PRDX3: variants seen among roughly 807,000 people sequenced by gnomAD.
PRDX3 encodes peroxiredoxin 3.
A neutral mutation model predicts 30.4 loss-of-function variants in PRDX3; 20 were observed. The observed-to-expected ratio is 0.66, with a 90% CI of 0.46 to 0.96. PRDX3 has a LOEUF of 0.96. PRDX3 is among the 40% of genes least tolerant of loss of function. The pLI is 0.00. For synonymous variants in PRDX3, 124 were observed against 117.8 expected (o/e 1.05, Z -0.34); for missense variants, 322 against 318.3 (o/e 1.01, Z -0.09).
chr10:119,170,195 G>A (rs1847870743), intron 5 of PRDX3: 1 of 152,200 alleles, frequency 6.6e-6, no homozygotes, highest in Non-Finnish European at 1.5e-5. Context: ...GTCTTAAAAG[G>A]ATGTGGAAAT....
chr10:119,174,448 T>C lies in PRDX3; in HGVS notation c.311+3A>G. 6.3e-7 allele frequency: 1 copy of C among 1,593,356 alleles called. No individual in the cohort carries two copies. On this transcript the variant is annotated splice_donor_region_variant and intron_variant, in intron 3 of 6. Coordinates refer to ENST00000298510, the MANE Select transcript of PRDX3 (RefSeq NM_006793.5). ...ACGAAAGCATCATAGAAATTACACT[T>C]ACAAATCCAAAGGATAGAAGAAAAG...
intron 2 of PRDX3, chr10:119,174,804 C>T (rs1847989546): frequency 2.2e-6 from 1 of 452,882 alleles, no homozygotes; most frequent in Non-Finnish European, 3.9e-6. Context: ...GCTCAAGTCT[C>T]TTACATAAAG....
rs1847928573 is a variant in PRDX3, at chr10:119,172,501, A to G, written c.448-16T>C. On this transcript the variant is annotated splice_polypyrimidine_tract_variant and intron_variant, in intron 4 of 6. Transcript: ENST00000298510. ...AACCACCATTCTAATCAAAATGCAA[A>G]CATGACTGTTAGAATGTGTGGCCTC... The G allele has an allele frequency of 6.3e-7, 1 of 1,595,282 alleles. No homozygotes were observed. The highest frequency in any genetic ancestry group is 2.2e-5 in the East Asian group (1 of 44,784).
Position 119,178,647 on chromosome 10 carries a change from A to AAGAAGGGCGAATGGCCCTCATGCCC in PRDX3, c.36+83_36+107dup, listed in dbSNP as rs1415467584. The stretch of plus-strand genomic sequence containing the variant: ...GGTCCGTTACCCGCGGAAACCCTCC[A>AAGAAGGGCGAATGGCCCTCATGCCC]AGAAGGGCGAATGGCCCTCATGCCC... On this transcript the variant is annotated intron_variant, in intron 1 of 6. Coordinates refer to ENST00000298510, the MANE Select transcript of PRDX3 (RefSeq NM_006793.5). The AAGAAGGGCGAATGGCCCTCATGCCC allele has an allele frequency of 3.0e-5, 41 of 1,371,170 alleles. No individual in the cohort carries two copies. The Admixed American group carries it at 7.7e-4, about 26-fold the overall frequency. 84.9% of individuals were successfully genotyped at this position (1,371,170 alleles called of 1,614,324 possible).
In PRDX3 at chr10:119,174,485, T is replaced by TC; in HGVS notation, c.276dup (p.Lys93GlufsTer24). 6.2e-7 allele frequency: 1 copy of TC among 1,606,396 alleles called. No homozygotes were observed. ...GGATAGAAGAAAAGCACCAAATATT[T>TC]CCCCTTAAAGTCATCAAGGCTTAGG... On this transcript the variant is annotated frameshift_variant, in exon 3 of 7. Transcript: ENST00000298510. LOFTEE classifies it high-confidence loss of function.
chr10:119,173,936 G>T, intron 3 of PRDX3, 64 bp from the exon 4 acceptor site: 17 of 1,526,044 alleles, frequency 1.1e-5, no homozygotes, highest in Non-Finnish European at 1.5e-5. Context: ...ACAATTAGTG[G>T]TCTAACAACT....
At chr10:119,172,061 C>A (rs962030653) in intron 5 of PRDX3, among the ~76,000 whole-genome samples, 17 of 152,114 alleles carry the variant, frequency 1.1e-4, no homozygotes, top group Admixed American at 2.0e-4. Flanking sequence ...TCTGAGAGAC[C>A]GCCAACCCTT....
At chr10:119,172,558 G>T in intron 4 of PRDX3, 73 bp from the exon 5 acceptor site, 2 of 1,208,354 alleles carry the variant, frequency 1.7e-6, no homozygotes, top group South Asian at 1.2e-5. Flanking sequence ...CACAATGTTT[G>T]AGACCAACAG....
In PRDX3 at chr10:119,173,592, A is replaced by G. The variant is rs891149009; in HGVS notation, c.447+145T>C. 4.3e-6 allele frequency: 4 copies of G among 925,868 alleles called. No homozygotes were observed. In the Admixed American group the frequency reaches 8.7e-5, roughly 20 times the overall value. The allele number at this position is 925,868 out of a possible 1,614,324, so 57.4% of individuals were successfully genotyped here. A position where few individuals can be genotyped will look rare whatever the true frequency, so the allele number is the denominator to read the frequency against. ...CCATTGCACTCCAGCCTGGGCAACA[A>G]GAGTGAAGCTCCGTCTCAAAAAAAA... On this transcript the variant is annotated intron_variant, in intron 4 of 6. Coordinates refer to ENST00000298510, the MANE Select transcript of PRDX3 (RefSeq NM_006793.5).
At chr10:119,177,768 C>T (rs1407093691) in intron 1 of PRDX3, among the ~76,000 whole-genome samples, 4 of 151,564 alleles carry the variant, frequency 2.6e-5, no homozygotes, top group Non-Finnish European at 5.9e-5. Context: ...TCTACCATTT[C>T]AAGGTTTTCC....
rs34698541 is a variant in PRDX3, at chr10:119,177,027, T to C, written c.163A>G (p.Ser55Gly). 6.2e-7 allele frequency: 1 copy of C among 1,614,124 alleles called. No individual in the cohort carries two copies. The highest frequency in any genetic ancestry group is 2.2e-5 in the East Asian group (1 of 44,890). The change falls in exon 2 of 7, where the codon AGC (serine) becomes GGC (glycine). Residue 55 changes from serine to glycine, a missense_variant. Transcript: ENST00000298510. ...CSGSSQAKLF[S>G]TSSSCHAPAV... Reference sequence around the variant, plus strand: ...GACATGACATAACACTTACTGGTGCTGAATAATTTTGCTTGACTGGAACCA... The same window carrying C: ...GACATGACATAACACTTACTGGTGCCGAATAATTTTGCTTGACTGGAACCA...
rs1394815788 is a variant in PRDX3 at position 119,174,708 on chromosome 10, A to G, written c.170-116T>C. On this transcript the variant is annotated intron_variant, in intron 2 of 6. Transcript: ENST00000298510. ...TATAAAGTGCTTAGTATAAATCAAA[A>G]CATTCGGTTCAACTGTACATCTTAG... The G allele has an allele frequency of 6.6e-6, 7 of 1,059,368 alleles. No homozygotes were observed. The East Asian group carries it at 2.0e-4, about 30-fold the overall frequency. 65.6% of individuals were successfully genotyped at this position (1,059,368 alleles called of 1,614,324 possible). A position where few individuals can be genotyped will look rare whatever the true frequency, so the allele number is the denominator to read the frequency against.
At chr10:119,169,893 T>G (rs1455847510) in intron 5 of PRDX3, 1 of 152,574 alleles carries the variant, frequency 6.6e-6, no homozygotes, top group Non-Finnish European at 1.5e-5. Flanking sequence ...TAGCAGCATG[T>G]AATGAGATGA....
Position 119,169,253 on chromosome 10 carries a change from C to T in PRDX3, c.641G>A (p.Arg214His), listed in dbSNP as rs1052669882. ...PVGRSVEETL[R>H]LVKAFQYVET... ...TACATACTGGAACGCCTTCACCAAGCGGAGGGTTTCTTCCACGCTTCGGCC... is the reference window on the plus strand; with the variant it reads ...TACATACTGGAACGCCTTCACCAAGTGGAGGGTTTCTTCCACGCTTCGGCC... Residue 214 changes from arginine to histidine, a missense_variant, in exon 6 of 7, where the codon CGC becomes CAC. Transcript: ENST00000298510. 18 of 1,613,778 alleles carry T rather than the reference C, an allele frequency of 1.1e-5. No homozygotes were observed. The highest frequency in any genetic ancestry group is 1.4e-5 in the Non-Finnish European group (17 of 1,180,004).
In PRDX3 at chr10:119,174,510, G is replaced by A; in HGVS notation, c.252C>T (p.Asp84=). The A allele has an allele frequency of 6.2e-7, 1 of 1,612,958 alleles. No individual in the cohort carries two copies. Residue 84 remains aspartate, a synonymous_variant, in exon 3 of 7, where the codon GAC becomes GAT. Transcript: ENST00000298510. ...TCCCCTTAAAGTCATCAAGGCTTAGGTCTTTGAACTCTCCATTGACAACGG... is the reference window on the plus strand; with the variant it reads ...TCCCCTTAAAGTCATCAAGGCTTAGATCTTTGAACTCTCCATTGACAACGG... ...GTAVVNGEFK[D]LSLDDFKGKY...
intron 5 of PRDX3, 165 bp from the exon 6 acceptor site, chr10:119,169,507 TCTTA>T (rs1847856096): frequency 1.7e-6 from 1 of 594,466 alleles, no homozygotes; most frequent in Admixed American, 3.1e-5. Flanking sequence ...ACTTATCATC[TCTTA>T]CTGATGACAG....
chr10:119,177,930 G>C (rs1342714090), intron 1 of PRDX3, among the ~76,000 whole-genome samples: 2 of 143,800 alleles, frequency 1.4e-5, no homozygotes, highest in Admixed American at 7.2e-5. Context: ...ACCCAGGCTA[G>C]AGTGCAGTGG....
chr10:119,168,705 C>T (rs750558753), intron 6 of PRDX3, among the ~76,000 whole-genome samples, 172 bp from the exon 7 acceptor site: 21 of 150,852 alleles, frequency 1.4e-4, no homozygotes, highest in Admixed American at 4.0e-4. Context: ...AGGCCGGGCA[C>T]GGTGGCTCAC....
chr10:119,178,796 G>C lies in PRDX3; in HGVS notation c.-6C>G, dbSNP rs775511785. Reference sequence around the variant, plus strand: ...CGTCCTACAGCAGCCGCCATCTTCAGTGCACTCGGGCGCCACGGGGCGGGC... The same window carrying C: ...CGTCCTACAGCAGCCGCCATCTTCACTGCACTCGGGCGCCACGGGGCGGGC... On this transcript the variant is annotated 5_prime_UTR_variant, in exon 1 of 7. Coordinates refer to ENST00000298510, the MANE Select transcript of PRDX3 (RefSeq NM_006793.5). 6.4e-7 allele frequency: 1 copy of C among 1,552,448 alleles called. No individual in the cohort carries two copies. The highest frequency in any genetic ancestry group is 8.7e-7 in the Non-Finnish European group (1 of 1,147,986).
Sources: gnomAD v4.1 joint callset for allele counts (sites outside exome capture counted in the v4.1 genomes callset) on GRCh38, gnomAD v4.1.1 for gene constraint, MANE v1.5 for transcripts, NCBI Gene and HGNC (gene_info 2026-07-23, HGNC 2026-07-21) for gene names.